MYO3A: variants seen among roughly 807,000 people sequenced by gnomAD.
MYO3A encodes myosin IIIA, also known as myosin-IIIa.
A neutral mutation model predicts 192.7 loss-of-function variants in MYO3A; 180 were observed. The ratio of observed to expected loss-of-function variants is 0.93; its 90% CI spans 0.83 to 1.06. The LOEUF (loss-of-function observed/expected upper bound fraction) is 1.06, where lower values mean the gene tolerates loss of function less well. Among genes scored for constraint, MYO3A ranks in the 50% least tolerant of loss-of-function variants. The pLI is 0.00. For synonymous variants in MYO3A, 628 were observed against 645.3 expected, an observed-to-expected ratio of 0.97 and a Z score of 0.41; for missense variants, 1,896 against 1,905.0, an observed-to-expected ratio of 1.00 and a Z score of 0.09.
chr10:26,089,710 A>G (rs748223432), intron 15 of MYO3A, among the ~76,000 whole-genome samples: 8 of 152,170 alleles, frequency 5.3e-5, no homozygotes, highest in Non-Finnish European at 8.8e-5. Context: ...AAAGATTCTT[A>G]CAGGATCTTG....
intron 25 of MYO3A, among the ~76,000 whole-genome samples, chr10:26,155,357 C>T (rs7079125): frequency 0.51 from 78,102 of 152,056 alleles, 20,437 homozygotes; most frequent in Middle Eastern, 0.59. Flanking sequence ...GACCTTCCTT[C>T]CTTGGGCAAT....
At chr10:25,992,912 G>A (rs1476139942) in intron 4 of MYO3A, among the ~76,000 whole-genome samples, 1 of 152,188 alleles carries the variant, frequency 6.6e-6, no homozygotes, top group African/African-American at 2.4e-5. Flanking sequence ...CGGTTTGCCA[G>A]TATTTTATTG....
At chr10:26,061,717 A>G (rs2131343814) in intron 10 of MYO3A, among the ~76,000 whole-genome samples, 1 of 152,314 alleles carries the variant, frequency 6.6e-6, no homozygotes, top group East Asian at 1.9e-4. Flanking sequence ...GGCTAATACC[A>G]AAAACATCAT....
chr10:26,047,491 C>T (rs530646141), intron 10 of MYO3A, among the ~76,000 whole-genome samples: 8 of 152,192 alleles, frequency 5.3e-5, no homozygotes, highest in Admixed American at 2.0e-4. Context: ...GACACATTTC[C>T]GGCCGGGCAC....
chr10:26,064,127 G>A (rs1325970144), intron 10 of MYO3A, among the ~76,000 whole-genome samples: 1 of 152,168 alleles, frequency 6.6e-6, no homozygotes, highest in Non-Finnish European at 1.5e-5. Flanking sequence ...AGAAGGCAAT[G>A]GCTAAAAATA....
chr10:26,170,635 AG>A, intron 29 of MYO3A, 96 bp downstream of exon 29: 1 of 1,368,000 alleles, frequency 7.3e-7, no homozygotes, highest in Non-Finnish European at 1.0e-6. Context: ...TGTACTAGTC[AG>A]GTTCCTGATA....
chr10:25,934,351 G>A (rs947390966), intron 1 of MYO3A, 23 bp downstream of exon 1: 1 of 152,326 alleles, frequency 6.6e-6, no homozygotes, highest in African/African-American at 2.4e-5. Flanking sequence ...ACAGCGCAGG[G>A]GACTGGCTTG....
chr10:26,021,928 C>T, intron 8 of MYO3A: 1 of 425,976 alleles, frequency 2.3e-6, no homozygotes. Context: ...CACCCTTTAT[C>T]CATTCCCCAA....
chr10:26,013,048 A>T (rs532834785), intron 6 of MYO3A, among the ~76,000 whole-genome samples: 5 of 152,190 alleles, frequency 3.3e-5, no homozygotes, highest in Middle Eastern at 6.8e-3. Flanking sequence ...TTAATAAATG[A>T]TGCTGGCAAA....
chr10:26,117,025 C>G (rs1838548890), intron 17 of MYO3A, among the ~76,000 whole-genome samples: 1 of 152,170 alleles, frequency 6.6e-6, no homozygotes, highest in East Asian at 1.9e-4. Flanking sequence ...TACCTTTCAG[C>G]TGATATTTAG....
intron 6 of MYO3A, 44 bp from the exon 7 acceptor site, chr10:26,016,776 A>G (rs971040787): frequency 1.9e-6 from 3 of 1,555,748 alleles, no homozygotes; most frequent in East Asian, 2.2e-5. Flanking sequence ...AGCTCTTTAT[A>G]TGAGTAATTA....
chr10:25,980,816 C>T (rs935610111), intron 4 of MYO3A, among the ~76,000 whole-genome samples: 1 of 152,128 alleles, frequency 6.6e-6, no homozygotes, highest in Non-Finnish European at 1.5e-5. Flanking sequence ...TAGTGTGGTA[C>T]ATTTGTTACA....
Position 26,174,226 on chromosome 10 carries a change from A to C in MYO3A, c.3962A>C (p.Glu1321Ala). The C allele has an allele frequency of 6.2e-7, 1 of 1,614,088 alleles. No individual in the cohort carries two copies. Among genetic ancestry groups the C allele is most frequent in the Non-Finnish European group, 8.5e-7 (1 of 1,179,928 alleles). The change falls in exon 30 of 35, where the codon GAA becomes GCA. Residue 1321 changes from glutamate to alanine, a missense_variant. Transcript: ENST00000642920. The part of the protein sequence containing the change: ...TQRAPICSQE[E>A]GRGRLRHETV... ...CGTGCACCGATATGCAGCCAGGAGG[A>C]AGGCAGAGGCCGTCTGAGGCATGAG...
intron 26 of MYO3A, among the ~76,000 whole-genome samples, chr10:26,162,024 G>T (rs1448428739): frequency 6.6e-6 from 1 of 152,206 alleles, no homozygotes; most frequent in Non-Finnish European, 1.5e-5. Flanking sequence ...CTGACATTAA[G>T]AAACTCACAG....
In MYO3A at chr10:26,154,696, A is replaced by C. The variant is rs3818957; in HGVS notation, c.2716-50A>C. On this transcript the variant is annotated intron_variant, in intron 24 of 34. Transcript: ENST00000642920. ...AAATGCCACATGCTGTCTGTAGATA[A>C]TAAAGTACAATAGATACCAAGGCAT... The C allele has an allele frequency of 0.16, 242,469 of 1,539,060 alleles. 20,656 individuals are homozygous for C. Among genetic ancestry groups the C allele is most frequent in the East Asian group, 0.33 (14,734 of 44,276 alleles).
At chr10:26,150,709 A>T (rs1296759097) in intron 23 of MYO3A, among the ~76,000 whole-genome samples, 1 of 152,070 alleles carries the variant, frequency 6.6e-6, no homozygotes, top group Admixed American at 6.6e-5. Context: ...CTCTCATTTT[A>T]TTCTTGATAG....
chr10:26,067,670 A>G (rs1834936048), intron 11 of MYO3A, among the ~76,000 whole-genome samples: 1 of 122,148 alleles, frequency 8.2e-6, no homozygotes, highest in Non-Finnish European at 1.9e-5. Flanking sequence ...TTATCTCAGA[A>G]GTATTTCAAA....
At chr10:26,109,183 CTAACT>C (rs551331973) in intron 17 of MYO3A, among the ~76,000 whole-genome samples, 203 of 152,278 alleles carry the variant, frequency 1.3e-3, no homozygotes, top group African/African-American at 4.1e-3. Context: ...GTTGCCCACT[CTAACT>C]TAAGAAATGA....
intron 4 of MYO3A, among the ~76,000 whole-genome samples, chr10:25,987,371 T>TAAAGCAG (rs1839717449): frequency 1.3e-5 from 2 of 152,098 alleles, no homozygotes. Flanking sequence ...GGAACTTAAT[T>TAAAGCAG]AAACTAAAAA....
Sources: gnomAD v4.1 joint callset for allele counts (sites outside exome capture counted in the v4.1 genomes callset) on GRCh38, gnomAD v4.1.1 for gene constraint, MANE v1.5 for transcripts, NCBI Gene and HGNC (gene_info 2026-07-23, HGNC 2026-07-21) for gene names.